Variants in ADGRL2 observed in about 807,000 individuals in gnomAD.
ADGRL2 encodes the protein adhesion G protein-coupled receptor L2.
Under a neutral mutation model 157.4 loss-of-function variants are expected in ADGRL2, and 44 were observed. That is an observed-to-expected ratio of 0.28 (90% confidence interval 0.22 to 0.36). The LOEUF (loss-of-function observed/expected upper bound fraction) is 0.36, where lower values mean the gene tolerates loss of function less well. Ranked by LOEUF, ADGRL2 falls within the 10% of genes least tolerant of loss-of-function variation. ADGRL2 has a pLI of 1.00. For synonymous variants in ADGRL2, 585 were observed against 624.7 expected (o/e 0.94, Z 0.95); for missense variants, 1,510 against 1,768.9 (o/e 0.85, Z 2.63).
At chr1:81,385,661 G>T (rs1200280420) in intron 1 of ADGRL2, among the ~76,000 whole-genome samples, 1 of 150,890 alleles carries the variant, frequency 6.6e-6, no homozygotes, top group Non-Finnish European at 1.5e-5. Flanking sequence ...ATAAAAGAAA[G>T]CTATAGTGAT....
intron 3 of ADGRL2, among the ~76,000 whole-genome samples, chr1:81,657,802 A>G (rs561200000): frequency 2.6e-4 from 40 of 152,350 alleles, no homozygotes; most frequent in African/African-American, 7.9e-4. Flanking sequence ...GATACATCCA[A>G]AAATCAAATT....
At position 81,979,248 on chromosome 1, in the gene ADGRL2, C is replaced by G. The variant is rs11809234; in HGVS notation, c.3022-621C>G. Among the ~76,000 whole-genome samples the G allele has an allele frequency of 5.2e-3, 797 of 151,842 alleles. 10 individuals are homozygous for G. The highest frequency in any genetic ancestry group is 0.019 in the African/African-American group (773 of 41,484). On this transcript the variant is annotated intron_variant, in intron 17 of 23. Transcript: ENST00000686636. ...AGAAAGACTCAAAACAGCATTTTGT[C>G]AGAATGTATCTACTTCCTTACAATA...
chr1:81,477,267 A>G (rs1557719184), intron 2 of ADGRL2, among the ~76,000 whole-genome samples: 2 of 152,226 alleles, frequency 1.3e-5, no homozygotes, highest in Non-Finnish European at 2.9e-5. Flanking sequence ...CCAAAAGGCC[A>G]ATAGGCTGTC....
At chr1:81,321,483 A>T (rs1218675572) in intron 1 of ADGRL2, among the ~76,000 whole-genome samples, 2 of 152,156 alleles carry the variant, frequency 1.3e-5, no homozygotes, top group Admixed American at 1.3e-4. Flanking sequence ...AGTTAGAGGC[A>T]ACCCTTCCTT....
chr1:81,912,106 C>T (rs184291102), intron 3 of ADGRL2, among the ~76,000 whole-genome samples: 5 of 151,500 alleles, frequency 3.3e-5, no homozygotes, highest in African/African-American at 1.2e-4. Flanking sequence ...GGGTCTCACT[C>T]CCTTGCCCAC....
intron 1 of ADGRL2, among the ~76,000 whole-genome samples, chr1:81,737,595 A>G (rs1343285265): frequency 6.6e-6 from 1 of 152,230 alleles, no homozygotes; most frequent in Admixed American, 6.5e-5. Context: ...TTCCTAACTT[A>G]TAAGTCTGAA....
intron 3 of ADGRL2, among the ~76,000 whole-genome samples, chr1:81,636,837 A>G (rs185536943): frequency 6.6e-6 from 1 of 152,094 alleles, no homozygotes; most frequent in East Asian, 1.9e-4. Context: ...TCCTTTTTAG[A>G]GTTTGTTGTT....
chr1:81,436,422 C>A (rs936971711), intron 1 of ADGRL2, among the ~76,000 whole-genome samples: 1 of 152,064 alleles, frequency 6.6e-6, no homozygotes, highest in African/African-American at 2.4e-5. Context: ...TATTAGTTTT[C>A]TTTCCTTCTT....
chr1:81,755,240 A>T (rs2085648125), intron 1 of ADGRL2, among the ~76,000 whole-genome samples: 1 of 148,896 alleles, frequency 6.7e-6, no homozygotes, highest in African/African-American at 2.5e-5. Context: ...ATCTTCATAC[A>T]TGGGGGTGAT....
At chr1:81,390,731 G>A (rs1422843580) in intron 1 of ADGRL2, among the ~76,000 whole-genome samples, 1 of 152,310 alleles carries the variant, frequency 6.6e-6, no homozygotes, top group East Asian at 1.9e-4. Context: ...ACATGTTTCT[G>A]TATCAGTACA....
At chr1:81,440,920 C>T (rs548590475) in intron 1 of ADGRL2, among the ~76,000 whole-genome samples, 17 of 152,198 alleles carry the variant, frequency 1.1e-4, no homozygotes, top group Admixed American at 3.9e-4. Flanking sequence ...TCTTTCTTGT[C>T]TGGACTGTAA....
At chr1:81,917,933 A>G (rs1169693857) in intron 3 of ADGRL2, among the ~76,000 whole-genome samples, 1 of 152,210 alleles carries the variant, frequency 6.6e-6, no homozygotes. Context: ...GAACAAGTTC[A>G]TGGGGTCAAA....
intron 2 of ADGRL2, among the ~76,000 whole-genome samples, chr1:81,870,402 G>A (rs1400701640): frequency 6.6e-6 from 1 of 151,794 alleles, no homozygotes; most frequent in African/African-American, 2.4e-5. Context: ...TTGATACATG[G>A]GAAAAAAATA....
chr1:81,633,375 C>A (rs757378427), intron 3 of ADGRL2, among the ~76,000 whole-genome samples: 3 of 151,838 alleles, frequency 2.0e-5, no homozygotes, highest in Non-Finnish European at 2.9e-5. Flanking sequence ...GCTGGCAGAT[C>A]ACTTGAGTTC....
intron 2 of ADGRL2, among the ~76,000 whole-genome samples, chr1:81,532,571 G>A (rs946443069): frequency 6.8e-6 from 1 of 147,752 alleles, no homozygotes; most frequent in Non-Finnish European, 1.5e-5. Context: ...ATATAATTTA[G>A]TGGTCATTTT....
intron 2 of ADGRL2, among the ~76,000 whole-genome samples, chr1:81,506,999 T>C (rs2148056906): frequency 6.6e-6 from 1 of 152,136 alleles, no homozygotes; most frequent in South Asian, 2.1e-4. Context: ...GACTGTGTAA[T>C]TAGGAGGAGA....
intron 1 of ADGRL2, among the ~76,000 whole-genome samples, chr1:81,719,360 T>C (rs1447650073): frequency 6.6e-6 from 1 of 152,220 alleles, no homozygotes; most frequent in African/African-American, 2.4e-5. Flanking sequence ...TCCTACAGAC[T>C]CCTTAAGACA....
intron 3 of ADGRL2, among the ~76,000 whole-genome samples, chr1:81,921,977 T>C (rs186552981): frequency 2.0e-5 from 3 of 152,328 alleles, no homozygotes; most frequent in Non-Finnish European, 4.4e-5. Context: ...TACAGTCTGA[T>C]GTTTATGGAG....
intron 1 of ADGRL2, among the ~76,000 whole-genome samples, chr1:81,336,557 A>T (rs1444020886): frequency 6.6e-6 from 1 of 152,154 alleles, no homozygotes; most frequent in Non-Finnish European, 1.5e-5. Context: ...CGCCAATGTG[A>T]AGTGCACTAG....
Sources: gnomAD v4.1 joint callset for allele counts (sites outside exome capture counted in the v4.1 genomes callset) on GRCh38, gnomAD v4.1.1 for gene constraint, MANE v1.5 for transcripts, NCBI Gene and HGNC (gene_info 2026-07-23, HGNC 2026-07-21) for gene names.